The following ZNF385C variants were observed in gnomAD, a reference collection of about 807,000 sequenced individuals.
ZNF385C encodes zinc finger protein 385C.
In ZNF385C, 28 loss-of-function variants were observed where a neutral mutation model predicts 35.4. The observed-to-expected ratio is 0.79, with a 90% CI of 0.59 to 1.08. The LOEUF is 1.08. ZNF385C is among the 50% of genes least tolerant of loss of function. ZNF385C has a pLI of 0.00. For missense variants in ZNF385C, 605 were observed against 595.6 expected (o/e 1.02, Z -0.16); for synonymous variants, 248 against 248.2 (o/e 1.00, Z 0.01).
intron 2 of ZNF385C, among the ~76,000 whole-genome samples, chr17:42,045,570 A>G (rs1470875292): frequency 1.3e-5 from 2 of 152,218 alleles, no homozygotes; most frequent in African/African-American, 2.4e-5. Flanking sequence ...TTCATAAGCA[A>G]TAAGTAGCTG....
Position 42,095,389 on chromosome 17 carries a change from A to G in ZNF385C, c.-3+3021T>C, listed in dbSNP as rs1316240199. ...ACTCATGGGAGAACCCACATGATAG[A>G]CACATGGGCCCTCCCGGGTGGCAGG... On this transcript the variant is annotated intron_variant, in intron 1 of 8. Coordinates refer to ENST00000692273, the MANE Select transcript of ZNF385C (RefSeq NM_001392013.1). This position sits in a 1 kb window ranked among gnomAD's most constrained non-coding sequence, Gnocchi z 4.4. 6.6e-6 allele frequency among the ~76,000 whole-genome samples: 1 copy of G among 152,188 alleles called. No homozygotes were observed. Among genetic ancestry groups the G allele is most frequent in the African/African-American group, 2.4e-5 (1 of 41,442 alleles).
intron 1 of ZNF385C, among the ~76,000 whole-genome samples, chr17:42,085,940 C>T (rs1175205838): frequency 2.6e-5 from 4 of 152,080 alleles, no homozygotes; most frequent in Admixed American, 6.5e-5. Flanking sequence ...TGGTGGCACA[C>T]GCATGTGGTC....
chr17:42,048,218 C>T (rs2053209269), intron 2 of ZNF385C, among the ~76,000 whole-genome samples: 1 of 152,016 alleles, frequency 6.6e-6, no homozygotes, highest in South Asian at 2.1e-4. Context: ...TGTTCCTAGA[C>T]AGAACTGTTG....
At chr17:42,075,785 T>C (rs2053678658) in intron 1 of ZNF385C, among the ~76,000 whole-genome samples, 1 of 152,196 alleles carries the variant, frequency 6.6e-6, no homozygotes, top group South Asian at 2.1e-4. Context: ...TGAGCCACTG[T>C]GCCTAGCACA....
chr17:42,045,688 G>T (rs1473960270), intron 2 of ZNF385C, among the ~76,000 whole-genome samples: 1 of 152,096 alleles, frequency 6.6e-6, no homozygotes, highest in Non-Finnish European at 1.5e-5. Context: ...AGGCCCTCAC[G>T]GTATCACCTC....
chr17:42,044,756 G>A (rs2143692454), intron 2 of ZNF385C, among the ~76,000 whole-genome samples: 1 of 152,172 alleles, frequency 6.6e-6, no homozygotes, highest in East Asian at 1.9e-4. Context: ...TGGTACTGTG[G>A]TTCTGGGATG....
intron 1 of ZNF385C, among the ~76,000 whole-genome samples, chr17:42,083,482 C>T (rs2053771153): frequency 6.6e-6 from 1 of 152,032 alleles, no homozygotes; most frequent in South Asian, 2.1e-4. Flanking sequence ...GTTGGGATTA[C>T]AGGCATGAGC....
intron 5 of ZNF385C, among the ~76,000 whole-genome samples, chr17:42,030,377 A>G (rs542576182): frequency 3.9e-5 from 6 of 152,310 alleles, no homozygotes; most frequent in African/African-American, 1.4e-4. Context: ...AGTCCCAGCT[A>G]CTTGGAAGGC....
intron 2 of ZNF385C, among the ~76,000 whole-genome samples, chr17:42,046,295 T>G (rs1483659174): frequency 6.6e-6 from 1 of 152,076 alleles, no homozygotes; most frequent in Non-Finnish European, 1.5e-5. Context: ...AAGTTGGTTG[T>G]TTAAAAGAAT....
At chr17:42,070,205 C>T (rs1250630021) in intron 1 of ZNF385C, among the ~76,000 whole-genome samples, 6 of 150,996 alleles carry the variant, frequency 4.0e-5, no homozygotes, top group South Asian at 2.1e-4. Context: ...ATTAGCCAGG[C>T]GTGGTGGCAG....
chr17:42,070,855 A>G (rs1268182630), intron 1 of ZNF385C, among the ~76,000 whole-genome samples: 1 of 152,148 alleles, frequency 6.6e-6, no homozygotes, highest in Non-Finnish European at 1.5e-5. Flanking sequence ...GTACCCGCTG[A>G]GTGTCCCTGA....
intron 1 of ZNF385C, among the ~76,000 whole-genome samples, chr17:42,068,802 CA>C (rs1362196292): frequency 6.6e-6 from 1 of 152,232 alleles, no homozygotes; most frequent in Admixed American, 6.5e-5. Context: ...AGTCCTTACC[CA>C]CTGCCCCATC....
At chr17:42,037,200 C>T (rs571685161) in intron 3 of ZNF385C, among the ~76,000 whole-genome samples, 1 of 152,256 alleles carries the variant, frequency 6.6e-6, no homozygotes, top group South Asian at 2.1e-4. Flanking sequence ...ACACGCCAAA[C>T]ACACAAAAGA....
intron 1 of ZNF385C, among the ~76,000 whole-genome samples, chr17:42,078,279 A>G (rs1202708174): frequency 1.3e-5 from 2 of 151,922 alleles, no homozygotes; most frequent in Non-Finnish European, 2.9e-5. Flanking sequence ...ACAACCTACT[A>G]ACCAGTCGCA....
In ZNF385C at chr17:42,037,833, G is replaced by A. The variant is rs931642698; in HGVS notation, c.303C>T (p.Pro101=). 15 of 1,517,000 alleles carry A rather than the reference G, an allele frequency of 9.9e-6. No homozygotes were observed. Among genetic ancestry groups the A allele is most frequent in the Middle Eastern group, 2.0e-4 (1 of 4,986 alleles). The allele number at this position is 1,517,000 out of a possible 1,614,324, so 94.0% of individuals were successfully genotyped here. A position where few individuals can be genotyped will look rare whatever the true frequency, so the allele number is the denominator to read the frequency against. The change falls in exon 3 of 9, where the codon CCC becomes CCT. Residue 101 remains proline (P), a synonymous_variant. Transcript: ENST00000692273. ...PSPLLASLPL[P]TRPLQPPLDF... ...CCAGCGGGGGCTGCAGAGGCCGGGTGGGCAGGGGCAGGGAGGCCAGCAGGG... is the reference window on the plus strand; with the variant it reads ...CCAGCGGGGGCTGCAGAGGCCGGGTAGGCAGGGGCAGGGAGGCCAGCAGGG...
At chr17:42,027,554 G>GGCCCACCCCCC in intron 8 of ZNF385C, 64 bp downstream of exon 8, 6 of 556,878 alleles carry the variant, frequency 1.1e-5, no homozygotes, top group East Asian at 3.4e-5. Context: ...CCCCCATCTG[G>GGCCCACCCCCC]CCCTCCCAGC....
chr17:42,062,936 A>G lies in ZNF385C; in HGVS notation c.121T>C (p.Ser41Pro), dbSNP rs1555658125. 1 of 697,362 alleles carries G rather than the reference A, an allele frequency of 1.4e-6. No homozygotes were observed. Among genetic ancestry groups the G allele is most frequent in the Admixed American group, 2.0e-5 (1 of 49,310 alleles). The allele number at this position is 697,362 out of a possible 1,614,324, so 43.2% of individuals were successfully genotyped here. Residue 41 changes from serine to proline, a missense_variant, in exon 2 of 9, where the codon TCG (serine) becomes CCG (proline). Ser to Pro is a moderately conservative substitution (Grantham distance 74). Transcript: ENST00000692273. ...PKPKRERKRP[S>P]YTLCDVCNIQ... ...TTGCAGACATCACAGAGCGTGTACGATGGCCGCTTTCTTTCTCGCTTGGGC... is the reference window on the plus strand; with the variant it reads ...TTGCAGACATCACAGAGCGTGTACGGTGGCCGCTTTCTTTCTCGCTTGGGC...
At chr17:42,088,490 G>C (rs2053832506) in intron 1 of ZNF385C, among the ~76,000 whole-genome samples, 1 of 152,260 alleles carries the variant, frequency 6.6e-6, no homozygotes, top group South Asian at 2.1e-4. Flanking sequence ...TTCACCGCCA[G>C]GTCTGCGGCC....
chr17:42,031,052 T>G (rs9890729), intron 5 of ZNF385C, among the ~76,000 whole-genome samples: 11,901 of 44,020 alleles, frequency 0.27, 910 homozygotes, highest in African/African-American at 0.44. Flanking sequence ...TCTCTTTTTT[T>G]GGGGGTGGGG....
Sources: gnomAD v4.1 joint callset for allele counts (sites outside exome capture counted in the v4.1 genomes callset) on GRCh38, gnomAD v4.1.1 for gene constraint, Gnocchi (gnomAD v3.1) non-coding constraint, MANE v1.5 for transcripts, NCBI Gene and HGNC (gene_info 2026-07-23, HGNC 2026-07-21) for gene names.